The following LRMDA variants were observed in gnomAD, a reference collection of about 807,000 sequenced individuals.
LRMDA encodes leucine rich melanocyte differentiation associated.
A neutral mutation model predicts 29.8 loss-of-function variants in LRMDA; 18 were observed. That is an observed-to-expected ratio of 0.60 (90% CI 0.42 to 0.90). The LOEUF is 0.90. Among genes scored for constraint, LRMDA ranks in the 40% least tolerant of loss-of-function variants. The pLI is 0.00. For synonymous variants in LRMDA, 125 were observed against 109.4 expected (o/e 1.14, Z -0.89); for missense variants, 273 against 273.9 (o/e 1.00, Z 0.02).
At chr10:76,090,147 G>C (rs1849207030) in intron 5 of LRMDA, among the ~76,000 whole-genome samples, 2 of 152,188 alleles carry the variant, frequency 1.3e-5, no homozygotes, top group African/African-American at 4.8e-5. Flanking sequence ...GTATATGGGG[G>C]AATGTCTCAG....
intron 6 of LRMDA, among the ~76,000 whole-genome samples, chr10:76,405,443 T>C (rs533641312): frequency 6.6e-6 from 1 of 152,228 alleles, no homozygotes; most frequent in South Asian, 2.1e-4. Context: ...ACAGGGGAGC[T>C]GGGGAGAAGC....
At chr10:76,358,234 A>G (rs1202727037) in intron 6 of LRMDA, among the ~76,000 whole-genome samples, 1 of 152,192 alleles carries the variant, frequency 6.6e-6, no homozygotes, top group African/African-American at 2.4e-5. Flanking sequence ...AAATGCCAGT[A>G]ATGAGGCAAT....
At chr10:75,862,862 T>C (rs1395503555) in intron 2 of LRMDA, among the ~76,000 whole-genome samples, 3 of 152,156 alleles carry the variant, frequency 2.0e-5, no homozygotes, top group African/African-American at 4.8e-5. Context: ...GTCTACAGCC[T>C]TAGAGGGCAG....
chr10:76,111,359 C>T (rs1435215701), intron 5 of LRMDA, among the ~76,000 whole-genome samples: 1 of 152,218 alleles, frequency 6.6e-6, no homozygotes, highest in Non-Finnish European at 1.5e-5. Context: ...GGACGAAGTC[C>T]GTACTCAATA....
At chr10:76,049,587 T>C (rs1234024843) in intron 4 of LRMDA, among the ~76,000 whole-genome samples, 1 of 152,234 alleles carries the variant, frequency 6.6e-6, no homozygotes, top group Non-Finnish European at 1.5e-5. Flanking sequence ...AAAAGATAGA[T>C]ATGTGCTTGA....
At chr10:75,481,615 G>T (rs1048178635) in intron 2 of LRMDA, among the ~76,000 whole-genome samples, 1 of 152,130 alleles carries the variant, frequency 6.6e-6, no homozygotes, top group African/African-American at 2.4e-5. Flanking sequence ...GTCCACTCAC[G>T]CATCCTCTAT....
intron 2 of LRMDA, among the ~76,000 whole-genome samples, chr10:75,685,500 C>T (rs1261791477): frequency 6.6e-6 from 1 of 152,216 alleles, no homozygotes; most frequent in African/African-American, 2.4e-5. Context: ...CTGAGTTTTC[C>T]AGGTGGCCCC....
chr10:75,686,964 T>C (rs1195120723), intron 2 of LRMDA, among the ~76,000 whole-genome samples: 1 of 152,210 alleles, frequency 6.6e-6, no homozygotes, highest in African/African-American at 2.4e-5. Context: ...CCATTATAAT[T>C]GTTTTGACCA....
intron 2 of LRMDA, among the ~76,000 whole-genome samples, chr10:75,517,533 T>A (rs1386434367): frequency 6.6e-6 from 1 of 152,182 alleles, no homozygotes; most frequent in Non-Finnish European, 1.5e-5. Context: ...ATGCTTGTGA[T>A]TTTTGCACAT....
At chr10:76,099,924 T>C (rs1849370841) in intron 5 of LRMDA, among the ~76,000 whole-genome samples, 1 of 152,216 alleles carries the variant, frequency 6.6e-6, no homozygotes, top group Non-Finnish European at 1.5e-5. Flanking sequence ...TGTTGTTTCA[T>C]ATGAGGCTTC....
At chr10:75,532,034 ACT>A (rs1468121505) in intron 2 of LRMDA, among the ~76,000 whole-genome samples, 1 of 143,062 alleles carries the variant, frequency 7.0e-6, no homozygotes, top group Non-Finnish European at 1.5e-5. Flanking sequence ...ATAAGGGAAG[ACT>A]CTACCTCAAA....
chr10:75,687,037 C>T lies in LRMDA; in HGVS notation c.131+248543C>T, dbSNP rs182721552. Reference sequence around the variant, plus strand: ...GCTGTGTGTGCTCTGACTGCTCCACCAACCACCCATTCTCCCATCCCTGTC... The same window carrying T: ...GCTGTGTGTGCTCTGACTGCTCCACTAACCACCCATTCTCCCATCCCTGTC... On this transcript the variant is annotated intron_variant, in intron 2 of 6. Coordinates refer to ENST00000611255, the MANE Select transcript of LRMDA (RefSeq NM_001305581.2). 5.3e-5 allele frequency among the ~76,000 whole-genome samples: 8 copies of T among 152,306 alleles called. No homozygotes were observed. The East Asian group carries it at 1.5e-3, about 29-fold the overall frequency.
chr10:76,112,000 A>C (rs1216838943), intron 5 of LRMDA, among the ~76,000 whole-genome samples: 1 of 152,184 alleles, frequency 6.6e-6, no homozygotes, highest in East Asian at 1.9e-4. Context: ...AAAATCTTTA[A>C]TGTAATTAAG....
At chr10:75,764,928 CGTGTGTGTGT>C (rs57422251) in intron 2 of LRMDA, among the ~76,000 whole-genome samples, 34 of 142,848 alleles carry the variant, frequency 2.4e-4, no homozygotes, top group African/African-American at 6.5e-4. Context: ...GCAAGAGACA[CGTGTGTGTGT>C]GTGTGTGTGT....
intron 2 of LRMDA, among the ~76,000 whole-genome samples, chr10:75,688,285 T>C (rs1452406990): frequency 6.6e-6 from 1 of 152,192 alleles, no homozygotes; most frequent in African/African-American, 2.4e-5. Flanking sequence ...TGAAGAACAT[T>C]TGTGATTCAT....
intron 6 of LRMDA, among the ~76,000 whole-genome samples, chr10:76,551,105 C>T (rs1254411839): frequency 6.6e-6 from 1 of 152,242 alleles, no homozygotes; most frequent in Non-Finnish European, 1.5e-5. Flanking sequence ...TCCCTTCCCA[C>T]TGTATGATGT....
At chr10:76,247,746 G>A (rs923576131) in intron 5 of LRMDA, among the ~76,000 whole-genome samples, 1 of 152,096 alleles carries the variant, frequency 6.6e-6, no homozygotes, top group African/African-American at 2.4e-5. Context: ...GGTCAGTAGG[G>A]CGTTAGCAAA....
At chr10:75,678,932 A>G (rs917792536) in intron 2 of LRMDA, among the ~76,000 whole-genome samples, 26 of 152,160 alleles carry the variant, frequency 1.7e-4, no homozygotes, top group Admixed American at 2.0e-4. Flanking sequence ...CGGGCAGGAC[A>G]ATGGTATTTC....
At chr10:76,267,031 T>C (rs1316561254) in intron 5 of LRMDA, among the ~76,000 whole-genome samples, 1 of 152,024 alleles carries the variant, frequency 6.6e-6, no homozygotes, top group African/African-American at 2.4e-5. Context: ...TAACCTCCCT[T>C]AGATAGACCC....
Sources: gnomAD v4.1 joint callset for allele counts (sites outside exome capture counted in the v4.1 genomes callset) on GRCh38, gnomAD v4.1.1 for gene constraint, MANE v1.5 for transcripts, NCBI Gene and HGNC (gene_info 2026-07-23, HGNC 2026-07-21) for gene names.